The following EDIL3 variants were observed in gnomAD, a reference collection of about 807,000 sequenced individuals.
EDIL3 encodes the protein EGF like and discoidin domains 3.
In EDIL3, 37 loss-of-function variants were observed where a neutral mutation model predicts 67.4. That is an observed-to-expected ratio of 0.55 (90% confidence interval 0.42 to 0.72). The LOEUF (loss-of-function observed/expected upper bound fraction) is 0.72. Among genes scored for constraint, EDIL3 ranks in the 30% least tolerant of loss-of-function variants. The probability of loss-of-function intolerance (pLI) is 0.00; values close to 1 mark genes in which losing one functional copy is unlikely to be tolerated. For missense variants in EDIL3, 527 were observed against 586.3 expected (o/e 0.90, Z 1.04); for synonymous variants, 195 against 196.3 (o/e 0.99, Z 0.05).
intron 1 of EDIL3, among the ~76,000 whole-genome samples, chr5:84,356,889 CTTTTTTT>C (rs1189590387): frequency 6.9e-4 from 22 of 32,096 alleles, no homozygotes; most frequent in East Asian, 3.0e-3. Flanking sequence ...ATCTTTCTTT[CTTTTTTT>C]TTTTTTTTTT....
chr5:84,260,159 C>T (rs1231535724), intron 1 of EDIL3, among the ~76,000 whole-genome samples: 1 of 152,134 alleles, frequency 6.6e-6, no homozygotes, highest in Admixed American at 6.5e-5. Flanking sequence ...TAAGGTAGCA[C>T]TCACTGTAAT....
intron 9 of EDIL3, among the ~76,000 whole-genome samples, chr5:84,001,033 G>C (rs1745321664): frequency 6.6e-6 from 1 of 151,878 alleles, no homozygotes. Context: ...CAAAAAAGCA[G>C]AAAAACCACA....
intron 4 of EDIL3, among the ~76,000 whole-genome samples, chr5:84,177,802 G>T (rs1580362916): frequency 6.6e-6 from 1 of 152,020 alleles, no homozygotes; most frequent in Non-Finnish European, 1.5e-5. Flanking sequence ...GCCGATGCTG[G>T]AAATAATTTT....
At chr5:84,042,371 T>C (rs1468104329) in intron 9 of EDIL3, among the ~76,000 whole-genome samples, 14 of 151,994 alleles carry the variant, frequency 9.2e-5, no homozygotes, top group Admixed American at 9.2e-4. Flanking sequence ...AACCTCTGCC[T>C]TCTGGGTTCA....
intron 4 of EDIL3, among the ~76,000 whole-genome samples, chr5:84,169,985 T>C (rs898095901): frequency 3.3e-5 from 5 of 152,220 alleles, no homozygotes; most frequent in African/African-American, 1.2e-4. Context: ...TGAAGTTCTA[T>C]GACAGCAGAG....
chr5:84,137,429 T>G, intron 4 of EDIL3, 75 bp from the exon 5 acceptor site: 1 of 1,316,596 alleles, frequency 7.6e-7, no homozygotes, highest in Admixed American at 1.9e-5. Context: ...TTTTAACATT[T>G]GAAATACAAA....
At chr5:84,383,617 C>G (rs924837046) in intron 1 of EDIL3, among the ~76,000 whole-genome samples, 2 of 152,150 alleles carry the variant, frequency 1.3e-5, no homozygotes, top group African/African-American at 4.8e-5. Flanking sequence ...AACACTGGTA[C>G]TCGGAGGGGG....
At chr5:84,173,691 G>A (rs1004292925) in intron 4 of EDIL3, among the ~76,000 whole-genome samples, 5 of 152,102 alleles carry the variant, frequency 3.3e-5, no homozygotes. Flanking sequence ...CAAACCACCC[G>A]GCCTGGAAGC....
chr5:84,308,452 A>G (rs1304267615), intron 1 of EDIL3, among the ~76,000 whole-genome samples: 1 of 152,150 alleles, frequency 6.6e-6, no homozygotes, highest in Non-Finnish European at 1.5e-5. Flanking sequence ...CAAAGAAAGT[A>G]TTTTCCTAGT....
Position 84,131,351 on chromosome 5 carries a change from C to T in EDIL3, c.469+5890G>A, listed in dbSNP as rs975141086. ...TAGTTACAAATAGAAAATGTTTAAA[C>T]TTCCAGTTCTATTTGAATGTAAAGC... On this transcript the variant is annotated intron_variant, in intron 5 of 10. Coordinates refer to ENST00000296591, the MANE Select transcript of EDIL3 (RefSeq NM_005711.5). Among the ~76,000 whole-genome samples, 2 of 152,146 alleles carry T rather than the reference C, an allele frequency of 1.3e-5. 1 individual carries two copies. The highest frequency in any genetic ancestry group is 4.1e-4 in the South Asian group (2 of 4,828).
chr5:84,376,384 T>C (rs1239017420), intron 1 of EDIL3, among the ~76,000 whole-genome samples: 1 of 152,176 alleles, frequency 6.6e-6, no homozygotes, highest in African/African-American at 2.4e-5. Flanking sequence ...TTACTGTTTC[T>C]AGGCCAAAAT....
At chr5:84,379,479 CAGTAG>C (rs1748032997) in intron 1 of EDIL3, among the ~76,000 whole-genome samples, 1 of 152,094 alleles carries the variant, frequency 6.6e-6, no homozygotes, top group Non-Finnish European at 1.5e-5. Flanking sequence ...CTTTCCAGTG[CAGTAG>C]ATGCATAGGA....
At chr5:84,006,943 T>G (rs554361499) in intron 9 of EDIL3, among the ~76,000 whole-genome samples, 1 of 152,102 alleles carries the variant, frequency 6.6e-6, no homozygotes, top group East Asian at 1.9e-4. Flanking sequence ...AACAGACATA[T>G]AGACCAATAG....
intron 1 of EDIL3, among the ~76,000 whole-genome samples, chr5:84,274,772 CATACACAT>C (rs1339295731): frequency 1.5e-5 from 2 of 136,742 alleles, no homozygotes; most frequent in African/African-American, 5.6e-5. Context: ...CACAGACACA[CATACACAT>C]ACAGACACAC....
intron 5 of EDIL3, among the ~76,000 whole-genome samples, chr5:84,109,323 T>C (rs1747518209): frequency 6.6e-6 from 1 of 151,868 alleles, no homozygotes; most frequent in South Asian, 2.1e-4. Context: ...CTGACCAACA[T>C]GGTGAAACCC....
chr5:84,208,840 A>G (rs1338190548), intron 3 of EDIL3, among the ~76,000 whole-genome samples: 2 of 151,738 alleles, frequency 1.3e-5, no homozygotes, highest in South Asian at 2.1e-4. Flanking sequence ...ATCTAGAACT[A>G]GAAATACCAT....
At chr5:83,960,651 A>T (rs1178155715) in intron 10 of EDIL3, among the ~76,000 whole-genome samples, 1 of 150,998 alleles carries the variant, frequency 6.6e-6, no homozygotes, top group Non-Finnish European at 1.5e-5. Flanking sequence ...CTTAACATTC[A>T]TTTGAAGGTG....
intron 2 of EDIL3, among the ~76,000 whole-genome samples, chr5:84,241,526 T>C (rs1043063081): frequency 5.9e-5 from 9 of 152,176 alleles, no homozygotes; most frequent in Non-Finnish European, 1.0e-4. Flanking sequence ...AAGCCTTACC[T>C]ACATTACTCA....
intron 9 of EDIL3, among the ~76,000 whole-genome samples, chr5:84,050,054 C>T (rs1038284561): frequency 9.2e-5 from 14 of 151,808 alleles, no homozygotes; most frequent in Non-Finnish European, 1.8e-4. Context: ...AAAAATTAGC[C>T]GGGCATGGTG....
Sources: allele counts gnomAD v4.1 joint callset (sites outside exome capture counted in the v4.1 genomes callset), GRCh38; gene constraint gnomAD v4.1.1; transcripts MANE v1.5; gene names NCBI Gene and HGNC (gene_info 2026-07-23, HGNC 2026-07-21).